Variants in ME1 observed in about 807,000 individuals in gnomAD.
ME1 encodes NADP-dependent malic enzyme.
ME1 carries 74 observed loss-of-function variants against 66.4 expected under a neutral mutation model. The observed-to-expected ratio is 1.11, with a 90% CI of 0.92 to 1.35. The LOEUF is 1.35. ME1 is among the 40% of genes most tolerant of loss of function. ME1 has a pLI of 0.00. For synonymous variants in ME1, 251 were observed against 235.6 expected, an observed-to-expected ratio of 1.07 and a Z score of -0.60; for missense variants, 750 against 694.1, an observed-to-expected ratio of 1.08 and a Z score of -0.90.
chr6:83,321,452 G>A (rs953902889), intron 5 of ME1, among the ~76,000 whole-genome samples: 4 of 152,100 alleles, frequency 2.6e-5, no homozygotes, highest in Non-Finnish European at 5.9e-5. Flanking sequence ...TGGGACACTC[G>A]AGCTTGGTGT....
At chr6:83,233,251 A>G (rs1229093653) in intron 9 of ME1, among the ~76,000 whole-genome samples, 1 of 152,070 alleles carries the variant, frequency 6.6e-6, no homozygotes, top group Non-Finnish European at 1.5e-5. Context: ...GTTTTTTAAA[A>G]CTAAGTATTA....
At chr6:83,319,675 A>C (rs1583378237) in intron 5 of ME1, among the ~76,000 whole-genome samples, 1 of 152,340 alleles carries the variant, frequency 6.6e-6, no homozygotes, top group East Asian at 1.9e-4. Flanking sequence ...AGAACCCAGA[A>C]GGCAAAACCA....
At chr6:83,222,957 C>T (rs1790120461) in intron 12 of ME1, among the ~76,000 whole-genome samples, 1 of 152,182 alleles carries the variant, frequency 6.6e-6, no homozygotes, top group Admixed American at 6.5e-5. Flanking sequence ...ATTTTATAAA[C>T]AACTAATTTC....
At chr6:83,326,921 G>A (rs547409585) in intron 5 of ME1, among the ~76,000 whole-genome samples, 1 of 152,118 alleles carries the variant, frequency 6.6e-6, no homozygotes, top group African/African-American at 2.4e-5. Flanking sequence ...GGGAAGTCAG[G>A]GACCCCAAAC....
chr6:83,251,054 T>C (rs1790714195), intron 7 of ME1, among the ~76,000 whole-genome samples: 1 of 152,220 alleles, frequency 6.6e-6, no homozygotes, highest in African/African-American at 2.4e-5. Flanking sequence ...CATATTACAT[T>C]GATTTGTTCC....
intron 7 of ME1, among the ~76,000 whole-genome samples, chr6:83,240,187 C>G (rs1027340309): frequency 6.6e-6 from 1 of 151,946 alleles, no homozygotes; most frequent in Non-Finnish European, 1.5e-5. Context: ...CACAAAGAAA[C>G]TCTTAATGTA....
chr6:83,300,666 A>G (rs535698323), intron 6 of ME1, among the ~76,000 whole-genome samples: 126 of 145,818 alleles, frequency 8.6e-4, no homozygotes, highest in African/African-American at 3.2e-3. Flanking sequence ...AGAACTAGAA[A>G]TACCATTTGA....
At chr6:83,263,971 G>A (rs1766944944) in intron 6 of ME1, among the ~76,000 whole-genome samples, 1 of 152,134 alleles carries the variant, frequency 6.6e-6, no homozygotes, top group Admixed American at 6.5e-5. Context: ...ATAGCCTTCT[G>A]TAGAAAGATG....
chr6:83,274,055 T>C (rs1485805527), intron 6 of ME1, among the ~76,000 whole-genome samples: 1 of 152,194 alleles, frequency 6.6e-6, no homozygotes, highest in African/African-American at 2.4e-5. Context: ...CTGGCTCCTT[T>C]CCTCTGATGT....
At chr6:83,311,830 T>G (rs540227718) in intron 6 of ME1, among the ~76,000 whole-genome samples, 5 of 152,208 alleles carry the variant, frequency 3.3e-5, no homozygotes, top group African/African-American at 4.8e-5. Context: ...AAGTGGGGTG[T>G]GTGTGGCTAA....
At chr6:83,392,863 C>T in intron 3 of ME1, 1 of 771,830 alleles carries the variant, frequency 1.3e-6, no homozygotes. Flanking sequence ...ATCAGCAATG[C>T]CTCCTGCACC....
At chr6:83,229,025 A>T in intron 9 of ME1, 94 bp from the exon 10 acceptor site, 1 of 764,914 alleles carries the variant, frequency 1.3e-6, no homozygotes. Context: ...TATGCTTAAC[A>T]TTTTTATGTA....
chr6:83,277,906 A>ATAATAATAATAATAAT (rs1562467171), intron 6 of ME1, among the ~76,000 whole-genome samples: 1 of 149,588 alleles, frequency 6.7e-6, no homozygotes, highest in African/African-American at 2.5e-5. Flanking sequence ...TCTCAAAATA[A>ATAATAATAATAATAAT]TAATAATAAT....
chr6:83,256,492 T>A (rs1216594783), intron 6 of ME1, among the ~76,000 whole-genome samples: 1 of 152,146 alleles, frequency 6.6e-6, no homozygotes, highest in Non-Finnish European at 1.5e-5. Flanking sequence ...CACAGTGAGA[T>A]ACCGTCTCAC....
chr6:83,221,145 C>T lies in ME1; in HGVS notation c.1449+2615G>A, dbSNP rs1040559960. Among the ~76,000 whole-genome samples, 20 of 142,594 alleles carry T rather than the reference C, an allele frequency of 1.4e-4. No individual in the cohort carries two copies. In the Admixed American group the frequency reaches 1.4e-3, roughly 10 times the overall value. 93.5% of individuals were successfully genotyped at this position (142,594 alleles called of 152,430 possible). Reference sequence around the variant, plus strand: ...ACTACACTCCAGCTTGGCAACAGAGCGAGACTCCGTCTCAAAAAAAAAAGA... The same window carrying T: ...ACTACACTCCAGCTTGGCAACAGAGTGAGACTCCGTCTCAAAAAAAAAAGA... On this transcript the variant is annotated intron_variant, in intron 12 of 13. Coordinates refer to ENST00000369705, the MANE Select transcript of ME1 (RefSeq NM_002395.6).
intron 5 of ME1, among the ~76,000 whole-genome samples, chr6:83,318,075 G>T (rs2128539789): frequency 6.6e-6 from 1 of 152,012 alleles, no homozygotes; most frequent in South Asian, 2.1e-4. Flanking sequence ...TAAATAAATG[G>T]TGCTGGGAAA....
intron 2 of ME1, among the ~76,000 whole-genome samples, chr6:83,399,217 A>C (rs576636081): frequency 6.6e-5 from 10 of 151,676 alleles, no homozygotes; most frequent in African/African-American, 2.2e-4. Context: ...GCTGGTCTTG[A>C]ACTCCTGACC....
Position 83,211,932 on chromosome 6 carries a change from C to A in ME1, c.1711G>T (p.Asp571Tyr). Residue 571 changes from aspartate (D) to tyrosine (Y), a missense_variant, in exon 14 of 14, where the codon GAC becomes TAC. Transcript: ENST00000369705. The stretch of plus-strand genomic sequence containing the variant: ...AAATGTTTGCTATTATCCTACTGGT[C>A]AACTTTGGTCTGTATTTTCTGCACC... ...EEVQKIQTKV[D>Y]Q 6.3e-7 allele frequency: 1 copy of A among 1,582,768 alleles called. No individual in the cohort carries two copies. Among genetic ancestry groups the A allele is most frequent in the Admixed American group, 1.7e-5 (1 of 57,526 alleles).
rs367727164 is a variant in ME1 at position 83,421,927 on chromosome 6, T to C, written c.78+8950A>G. On this transcript the variant is annotated intron_variant, in intron 1 of 13. Transcript: ENST00000369705. ...CGTAGGTCAAATGCCTGTTGCAACT[T>C]TCTCTCTGTCTTCCAATCGTATGGC... Among the ~76,000 whole-genome samples the C allele has an allele frequency of 7.2e-5, 11 of 152,232 alleles. No homozygotes were observed. In the East Asian group the frequency reaches 2.1e-3, roughly 29 times the overall value.
Sources: gnomAD v4.1 joint callset for allele counts (sites outside exome capture counted in the v4.1 genomes callset) on GRCh38, gnomAD v4.1.1 for gene constraint, MANE v1.5 for transcripts, NCBI Gene and HGNC (gene_info 2026-07-23, HGNC 2026-07-21) for gene names.